FAM117A: variants seen among roughly 807,000 people sequenced by gnomAD.
FAM117A encodes the protein protein FAM117A.
FAM117A carries 21 observed loss-of-function variants against 44.1 expected under a neutral mutation model. That is an observed-to-expected ratio of 0.48 (90% CI 0.34 to 0.69). FAM117A has a LOEUF of 0.69. Ranked by LOEUF, FAM117A falls within the 30% of genes least tolerant of loss-of-function variation. The probability of loss-of-function intolerance (pLI) is 0.01; values close to 1 mark genes in which losing one functional copy is unlikely to be tolerated. For missense variants in FAM117A, 498 were observed against 589.9 expected (o/e 0.84, Z 1.61); for synonymous variants, 220 against 238.3 (o/e 0.92, Z 0.71).
chr17:49,740,189 G>A (rs1311442740), intron 1 of FAM117A, among the ~76,000 whole-genome samples: 1 of 152,036 alleles, frequency 6.6e-6, no homozygotes, highest in Non-Finnish European at 1.5e-5. Flanking sequence ...ATAAGACAAT[G>A]AACCAAGAGC....
chr17:49,739,151 G>C (rs1218594145), intron 1 of FAM117A, among the ~76,000 whole-genome samples: 1 of 152,196 alleles, frequency 6.6e-6, no homozygotes, highest in Non-Finnish European at 1.5e-5. Context: ...ATGTTATGAA[G>C]AGATGCAAAT....
intron 5 of FAM117A, 64 bp from the exon 6 acceptor site, chr17:49,717,778 A>AC: frequency 7.4e-7 from 1 of 1,347,760 alleles, no homozygotes; most frequent in Non-Finnish European, 1.0e-6. Context: ...CAGCACAGTG[A>AC]CCCCAAGGGT....
intron 3 of FAM117A, among the ~76,000 whole-genome samples, chr17:49,722,060 C>G (rs1370620714): frequency 2.0e-5 from 3 of 152,186 alleles, no homozygotes; most frequent in African/African-American, 7.2e-5. Flanking sequence ...GATCGTGCCA[C>G]TGTACTCCAG....
intron 1 of FAM117A, among the ~76,000 whole-genome samples, chr17:49,745,013 C>CAAAAA (rs34358343): frequency 8.3e-5 from 6 of 71,936 alleles, no homozygotes; most frequent in Admixed American, 1.6e-4. Flanking sequence ...GACTCTGTCT[C>CAAAAA]AAAAAAAAAA....
intron 1 of FAM117A, among the ~76,000 whole-genome samples, chr17:49,771,845 C>T (rs906447849): frequency 1.3e-5 from 2 of 152,176 alleles, no homozygotes; most frequent in African/African-American, 4.8e-5. Context: ...CTTTCTTCTC[C>T]ACTGTTCCCA....
chr17:49,724,479 C>T (rs758826254), intron 2 of FAM117A: 35 of 456,176 alleles, frequency 7.7e-5, no homozygotes, highest in Non-Finnish European at 1.3e-5. Context: ...CTTCAAGTAC[C>T]TCTTTCTTCT....
chr17:49,738,010 G>A (rs1340269695), intron 1 of FAM117A, among the ~76,000 whole-genome samples: 1 of 152,166 alleles, frequency 6.6e-6, no homozygotes, highest in Non-Finnish European at 1.5e-5. Flanking sequence ...TGGAGGAGAT[G>A]GCAGGCCCAA....
chr17:49,726,207 C>T (rs74389919), intron 2 of FAM117A, among the ~76,000 whole-genome samples: 1,883 of 152,272 alleles, frequency 0.012, 21 homozygotes, highest in Non-Finnish European at 0.016. Context: ...GACATGCTGA[C>T]ATCGAGTATT....
chr17:49,743,068 T>A (rs2073641060), intron 1 of FAM117A, among the ~76,000 whole-genome samples: 1 of 152,174 alleles, frequency 6.6e-6, no homozygotes, highest in Non-Finnish European at 1.5e-5. Flanking sequence ...AACTGAGACC[T>A]TTTATTACCC....
At chr17:49,714,893 C>T (rs964479448) in intron 7 of FAM117A, among the ~76,000 whole-genome samples, 2 of 152,116 alleles carry the variant, frequency 1.3e-5, no homozygotes, top group South Asian at 2.1e-4. Context: ...GTGATAAACA[C>T]GCACCTCAGC....
chr17:49,777,932 C>T (rs1451369698), intron 1 of FAM117A, among the ~76,000 whole-genome samples: 1 of 152,196 alleles, frequency 6.6e-6, no homozygotes, highest in Non-Finnish European at 1.5e-5. Context: ...AAGGTGATAA[C>T]ATGGAGGCAC....
intron 6 of FAM117A, 72 bp from the exon 7 acceptor site, chr17:49,716,387 GGT>G (rs1334699244): frequency 7.4e-7 from 1 of 1,351,750 alleles, no homozygotes; most frequent in African/African-American, 1.5e-5. Flanking sequence ...CCAGGACTGA[GGT>G]GTAAAGTGGC....
intron 1 of FAM117A, among the ~76,000 whole-genome samples, chr17:49,751,244 C>G (rs548411448): frequency 7.4e-6 from 1 of 135,476 alleles, no homozygotes; most frequent in South Asian, 2.5e-4. Flanking sequence ...CACGCCATTG[C>G]ACTCAGTCTG....
chr17:49,730,718 A>C (rs2073581029), intron 2 of FAM117A, among the ~76,000 whole-genome samples: 1 of 152,220 alleles, frequency 6.6e-6, no homozygotes, highest in Admixed American at 6.5e-5. Context: ...AGCATAATTT[A>C]TCCTACTTGC....
Position 49,711,562 on chromosome 17 carries a change from GA to G in FAM117A, c.1062-8del, listed in dbSNP as rs1200384482. On this transcript the variant is annotated splice_region_variant and splice_polypyrimidine_tract_variant and intron_variant, in intron 7 of 7. Transcript: ENST00000240364. ...CAGGTCAGGACCTGGAGACCTGGAG[GA>G]TGAAGAGAGACACACAAGACACATA... is the stretch of plus-strand genomic sequence containing the variant. 1 of 1,613,280 alleles carries G rather than the reference GA, an allele frequency of 6.2e-7. No homozygotes were observed. The highest frequency in any genetic ancestry group is 1.1e-5 in the South Asian group (1 of 91,040).
chr17:49,765,060 A>G (rs570375020), upstream of FAM117A, among the ~76,000 whole-genome samples: 1 of 152,346 alleles, frequency 6.6e-6, no homozygotes, highest in East Asian at 1.9e-4. Flanking sequence ...TGAGACTGGA[A>G]GGTCCCCAAA....
chr17:49,787,467 G>A (rs1243823124), intron 1 of FAM117A, among the ~76,000 whole-genome samples: 1 of 152,204 alleles, frequency 6.6e-6, no homozygotes, highest in Non-Finnish European at 1.5e-5. Flanking sequence ...TAAAGGTCTG[G>A]AACTTTAAAT....
At chr17:49,757,324 T>C (rs1245579191) in intron 1 of FAM117A, among the ~76,000 whole-genome samples, 3 of 152,166 alleles carry the variant, frequency 2.0e-5, no homozygotes, top group Non-Finnish European at 2.9e-5. Flanking sequence ...TTGAAGTTTT[T>C]CTATTATGAA....
At chr17:49,751,488 G>A (rs1344447434) in intron 1 of FAM117A, among the ~76,000 whole-genome samples, 2 of 151,268 alleles carry the variant, frequency 1.3e-5, no homozygotes, top group African/African-American at 2.4e-5. Flanking sequence ...GCTGAGGCAG[G>A]AGAATCGCTT....
Sources: allele counts gnomAD v4.1 joint callset (sites outside exome capture counted in the v4.1 genomes callset), GRCh38; gene constraint gnomAD v4.1.1; transcripts MANE v1.5; gene names NCBI Gene and HGNC (gene_info 2026-07-23, HGNC 2026-07-21).